SPATA17: variants seen among roughly 807,000 people sequenced by gnomAD.
SPATA17 encodes spermatogenesis-associated protein 17.
SPATA17 carries 53 observed loss-of-function variants against 62.2 expected under a neutral mutation model. That is an observed-to-expected ratio of 0.85 (90% confidence interval 0.68 to 1.07). SPATA17 has a LOEUF of 1.07. Among genes scored for constraint, SPATA17 ranks in the 50% least tolerant of loss-of-function variants. The probability of loss-of-function intolerance (pLI) is 0.00; values close to 1 mark genes in which losing one functional copy is unlikely to be tolerated. For synonymous variants in SPATA17, 146 were observed against 146.8 expected, an observed-to-expected ratio of 0.99 and a Z score of 0.04; for missense variants, 466 against 425.5, an observed-to-expected ratio of 1.10 and a Z score of -0.84.
chr1:217,754,824 A>G (rs956785909), intron 6 of SPATA17, among the ~76,000 whole-genome samples: 3 of 152,018 alleles, frequency 2.0e-5, no homozygotes, highest in Non-Finnish European at 4.4e-5. Flanking sequence ...TGTGCACTCT[A>G]TCATGAAATA....
intron 6 of SPATA17, among the ~76,000 whole-genome samples, chr1:217,747,462 A>C (rs940618813): frequency 6.6e-6 from 1 of 152,162 alleles, no homozygotes; most frequent in African/African-American, 2.4e-5. Context: ...TGGAGATTAG[A>C]AAAATTACAG....
chr1:217,704,778 C>T (rs1671694923), intron 5 of SPATA17, among the ~76,000 whole-genome samples: 2 of 152,076 alleles, frequency 1.3e-5, no homozygotes, highest in South Asian at 4.2e-4. Context: ...TATATATGTA[C>T]CACATTTTCT....
chr1:217,861,310 T>C (rs1675892593), intron 9 of SPATA17, among the ~76,000 whole-genome samples: 1 of 151,364 alleles, frequency 6.6e-6, no homozygotes, highest in Non-Finnish European at 1.5e-5. Flanking sequence ...CTAACCCATA[T>C]CATTTGCCTC....
At chr1:217,770,931 A>C (rs899548215) in intron 6 of SPATA17, among the ~76,000 whole-genome samples, 3 of 145,374 alleles carry the variant, frequency 2.1e-5, no homozygotes, top group African/African-American at 7.6e-5. Flanking sequence ...GGAGAGTCTG[A>C]AGGGGGGAAT....
chr1:217,778,646 T>C (rs913331445), intron 7 of SPATA17, among the ~76,000 whole-genome samples: 4 of 152,168 alleles, frequency 2.6e-5, no homozygotes, highest in African/African-American at 9.7e-5. Context: ...TTACATGGCA[T>C]GAATAAAATA....
At chr1:217,646,553 C>T (rs1238667298) in intron 1 of SPATA17, among the ~76,000 whole-genome samples, 1 of 151,928 alleles carries the variant, frequency 6.6e-6, no homozygotes, top group African/African-American at 2.4e-5. Context: ...CTTTCTTCTG[C>T]TCTTTTCATT....
At chr1:217,841,422 A>G (rs1230523244) in intron 9 of SPATA17, among the ~76,000 whole-genome samples, 3 of 152,016 alleles carry the variant, frequency 2.0e-5, no homozygotes, top group Admixed American at 2.0e-4. Context: ...CTAGAAAAGT[A>G]TGGCAAAATA....
chr1:217,814,534 T>G (rs533024110), intron 9 of SPATA17, among the ~76,000 whole-genome samples: 1 of 152,240 alleles, frequency 6.6e-6, no homozygotes, highest in South Asian at 2.1e-4. Context: ...CTGAACTTTA[T>G]GAAAAGTTTC....
rs112813109 is a variant in SPATA17, at chr1:217,801,461, T to C, written c.873-257T>C. Reference sequence around the variant, plus strand: ...TAAATGTATTATTTAACATTATCTCTATATATAAAATACTTGAGACTCACA... The same window carrying C: ...TAAATGTATTATTTAACATTATCTCCATATATAAAATACTTGAGACTCACA... On this transcript the variant is annotated intron_variant, in intron 8 of 10. Transcript: ENST00000366933. Among the ~76,000 whole-genome samples the C allele has an allele frequency of 9.4e-3, 1,438 of 152,342 alleles. 16 individuals are homozygous for C. The highest frequency in any genetic ancestry group is 0.033 in the African/African-American group (1,361 of 41,578).
intron 6 of SPATA17, among the ~76,000 whole-genome samples, chr1:217,766,677 T>C (rs1673308652): frequency 6.6e-6 from 1 of 151,744 alleles, no homozygotes; most frequent in African/African-American, 2.4e-5. Flanking sequence ...ATCTCCCTTT[T>C]TTTAAAAAAA....
chr1:217,812,980 A>G (rs11117942), intron 9 of SPATA17, among the ~76,000 whole-genome samples: 4,178 of 152,274 alleles, frequency 0.027, 172 homozygotes, highest in African/African-American at 0.095. Flanking sequence ...GTGAATTACA[A>G]CAGTAGAGAA....
chr1:217,771,102 C>T (rs763282522), intron 6 of SPATA17, among the ~76,000 whole-genome samples: 17 of 149,668 alleles, frequency 1.1e-4, no homozygotes, highest in East Asian at 9.9e-4. Flanking sequence ...AGTCAGCAGC[C>T]GGGCCTGATG....
chr1:217,679,058 T>G (rs2102903359), intron 4 of SPATA17, among the ~76,000 whole-genome samples: 1 of 152,264 alleles, frequency 6.6e-6, no homozygotes, highest in Non-Finnish European at 1.5e-5. Flanking sequence ...TAGGCAAAAT[T>G]TAAGACGTCA....
intron 5 of SPATA17, among the ~76,000 whole-genome samples, chr1:217,705,019 C>T (rs1671699228): frequency 6.6e-6 from 1 of 152,170 alleles, no homozygotes. Flanking sequence ...ACATTCCCAC[C>T]AGCAGTGTAT....
chr1:217,861,513 T>C (rs530289793), intron 9 of SPATA17, among the ~76,000 whole-genome samples: 1 of 151,988 alleles, frequency 6.6e-6, no homozygotes, highest in South Asian at 2.1e-4. Context: ...TGCTCAAATT[T>C]AAGAGTGATA....
chr1:217,756,047 A>C (rs1673033740), intron 6 of SPATA17, among the ~76,000 whole-genome samples: 1 of 152,116 alleles, frequency 6.6e-6, no homozygotes, highest in Non-Finnish European at 1.5e-5. Flanking sequence ...TTCATAAAGG[A>C]GAACAATCAT....
intron 9 of SPATA17, among the ~76,000 whole-genome samples, chr1:217,824,498 C>T (rs1350330048): frequency 1.3e-5 from 2 of 151,250 alleles, no homozygotes; most frequent in Non-Finnish European, 3.0e-5. Context: ...TTGATTCCAT[C>T]TTTTCTGTTC....
intron 3 of SPATA17, among the ~76,000 whole-genome samples, chr1:217,662,935 A>G (rs555696174): frequency 1.3e-5 from 2 of 152,236 alleles, no homozygotes; most frequent in African/African-American, 4.8e-5. Flanking sequence ...AAACATATAT[A>G]TATTTTTTCC....
chr1:217,849,380 T>C (rs190576414), intron 9 of SPATA17, among the ~76,000 whole-genome samples: 151 of 152,274 alleles, frequency 9.9e-4, no homozygotes, highest in African/African-American at 3.5e-3. Flanking sequence ...AGTTTGATTC[T>C]ACTTGAATTT....
Sources: gnomAD v4.1 joint callset for allele counts (sites outside exome capture counted in the v4.1 genomes callset) on GRCh38, gnomAD v4.1.1 for gene constraint, MANE v1.5 for transcripts, NCBI Gene and HGNC (gene_info 2026-07-23, HGNC 2026-07-21) for gene names.